The following STAMBP variants were observed in gnomAD, a reference collection of about 807,000 sequenced individuals.
The protein encoded by STAMBP is STAM-binding protein.
In STAMBP, 31 loss-of-function variants were observed where a neutral mutation model predicts 50.7. That is an observed-to-expected ratio of 0.61 (90% CI 0.46 to 0.83). STAMBP has a LOEUF of 0.83. Ranked by LOEUF, STAMBP falls within the 40% of genes least tolerant of loss-of-function variation. STAMBP has a pLI of 0.00. For synonymous variants in STAMBP, 211 were observed against 192.4 expected, an observed-to-expected ratio of 1.10 and a Z score of -0.80; for missense variants, 472 against 518.9, an observed-to-expected ratio of 0.91 and a Z score of 0.88.
intron 7 of STAMBP, among the ~76,000 whole-genome samples, chr2:73,852,917 G>GGTGTGT (rs56684009): frequency 0.028 from 3,413 of 122,774 alleles, 180 homozygotes; most frequent in African/African-American, 0.077. Flanking sequence ...ATGTTGGCCA[G>GGTGTGT]GTGTGTGTGT....
chr2:73,854,648 CT>C (rs1210983195), intron 7 of STAMBP, among the ~76,000 whole-genome samples: 5 of 152,068 alleles, frequency 3.3e-5, no homozygotes, highest in Admixed American at 3.3e-4. Context: ...GCTAGTTCAG[CT>C]TTTTTTCCTC....
chr2:73,845,571 T>A (rs900814555), intron 4 of STAMBP, among the ~76,000 whole-genome samples: 1 of 152,122 alleles, frequency 6.6e-6, no homozygotes, highest in South Asian at 2.1e-4. Context: ...TCAGAGAATT[T>A]GAGGGTTGGA....
intron 2 of STAMBP, among the ~76,000 whole-genome samples, chr2:73,835,986 C>CT (rs983998506): frequency 4.4e-4 from 64 of 145,844 alleles, no homozygotes; most frequent in East Asian, 9.9e-4. Flanking sequence ...TTTTCTTTTT[C>CT]TTTTTTTTTT....
chr2:73,866,094 C>T lies in STAMBP; in HGVS notation c.*3835C>T, dbSNP rs1678860749. The T allele has an allele frequency of 6.6e-6, 1 of 152,240 alleles. No homozygotes were observed. Among genetic ancestry groups the T allele is most frequent in the South Asian group, 2.1e-4 (1 of 4,836 alleles). The allele number at this position is 152,240 out of a possible 1,614,324, so 9.4% of individuals were successfully genotyped here. A position where few individuals can be genotyped will look rare whatever the true frequency, so the allele number is the denominator to read the frequency against. On this transcript the variant is annotated 3_prime_UTR_variant, in exon 10 of 10. Coordinates refer to ENST00000394070, the MANE Select transcript of STAMBP (RefSeq NM_213622.4). ...ATGAAGGAAGGGCAGAACATTGGCC[C>T]TCTTCACTGAAGTCTTCACCCCTTA...
chr2:73,836,571 G>A (rs898221777), intron 2 of STAMBP, among the ~76,000 whole-genome samples: 2 of 152,246 alleles, frequency 1.3e-5, no homozygotes, highest in South Asian at 2.1e-4. Flanking sequence ...CTGAGCAGGG[G>A]AAAGGGCTGG....
chr2:73,830,140 G>A (rs868557902), intron 1 of STAMBP, among the ~76,000 whole-genome samples: 1 of 152,200 alleles, frequency 6.6e-6, no homozygotes, highest in African/African-American at 2.4e-5. Flanking sequence ...AGTTACCATC[G>A]TGCCTTTTTG....
At chr2:73,832,091 A>G (rs925712451) in intron 2 of STAMBP, among the ~76,000 whole-genome samples, 1 of 129,868 alleles carries the variant, frequency 7.7e-6, no homozygotes, top group Non-Finnish European at 1.6e-5. Context: ...TAACATATAT[A>G]TATATATATA....
At position 73,847,460 on chromosome 2, in the gene STAMBP, C is replaced by T; in HGVS notation, c.449C>T (p.Ala150Val). 3 of 1,614,164 alleles carry T rather than the reference C, an allele frequency of 1.9e-6. No homozygotes were observed. Among genetic ancestry groups the T allele is most frequent in the Non-Finnish European group, 2.5e-6 (3 of 1,180,036 alleles). ...QELEKEKQRV[A>V]QQKQQQLEQE... ...CTGGAAAAGGAAAAACAGAGGGTAGCACAACAGAAGCAGCAGCAATTGGAA... is the reference window on the plus strand; with the variant it reads ...CTGGAAAAGGAAAAACAGAGGGTAGTACAACAGAAGCAGCAGCAATTGGAA... Residue 150 changes from alanine to valine, a missense_variant, in exon 5 of 10, where the codon GCA (alanine) becomes GTA (valine). Physicochemically the swap from Ala to Val is moderately conservative, Grantham distance 64 (BLOSUM62 0). Coordinates refer to ENST00000394070, the MANE Select transcript of STAMBP (RefSeq NM_213622.4).
intron 7 of STAMBP, among the ~76,000 whole-genome samples, chr2:73,853,825 T>C (rs1177488037): frequency 6.6e-6 from 1 of 152,230 alleles, no homozygotes; most frequent in Non-Finnish European, 1.5e-5. Context: ...GGAGCATGCA[T>C]GCCCTAAGGG....
chr2:73,840,251 C>G (rs957418667), intron 2 of STAMBP, among the ~76,000 whole-genome samples: 4 of 149,484 alleles, frequency 2.7e-5, no homozygotes, highest in Admixed American at 2.7e-4. Context: ...ATTACATTGT[C>G]TTCACATTTG....
chr2:73,846,764 A>G (rs1022632911), intron 4 of STAMBP, among the ~76,000 whole-genome samples: 8 of 152,302 alleles, frequency 5.3e-5, no homozygotes, highest in Middle Eastern at 3.4e-3. Flanking sequence ...GATACAGGTT[A>G]GGAGAACACA....
At chr2:73,842,103 A>G (rs1036417638) in intron 2 of STAMBP, among the ~76,000 whole-genome samples, 4 of 151,402 alleles carry the variant, frequency 2.6e-5, no homozygotes, top group African/African-American at 9.7e-5. Context: ...ATTTCTGTGT[A>G]TACTTCCTGT....
chr2:73,852,952 G>GTA (rs1677050308), intron 7 of STAMBP, among the ~76,000 whole-genome samples: 1 of 149,710 alleles, frequency 6.7e-6, no homozygotes, highest in Non-Finnish European at 1.5e-5. Flanking sequence ...GTGTGTGTGT[G>GTA]TGTATTTTTA....
intron 2 of STAMBP, among the ~76,000 whole-genome samples, chr2:73,832,084 C>CATATATATATATATATATATAT (rs67469518): frequency 4.3e-4 from 51 of 118,468 alleles, no homozygotes; most frequent in African/African-American, 8.2e-4. Flanking sequence ...GAGTAGGTAA[C>CATATATATATATATATATATAT]ATATATATAT....
chr2:73,844,025 T>G (rs1216737403), intron 2 of STAMBP, among the ~76,000 whole-genome samples: 1 of 152,220 alleles, frequency 6.6e-6, no homozygotes, highest in Non-Finnish European at 1.5e-5. Flanking sequence ...CTGCTCATAC[T>G]GAAATTCTGA....
intron 2 of STAMBP, among the ~76,000 whole-genome samples, chr2:73,834,974 T>C (rs921653534): frequency 6.6e-6 from 1 of 152,108 alleles, no homozygotes; most frequent in Non-Finnish European, 1.5e-5. Flanking sequence ...TGCAGGACTT[T>C]ATGGGCCATG....
In STAMBP at chr2:73,850,626, C is replaced by A; in HGVS notation, c.1005+113C>A. ...TATATCCAGATTATTTATTGTTTTT[C>A]TCTCTTTTGGATGCAGTCCTTAGCA... On this transcript the variant is annotated intron_variant, in intron 7 of 9. Transcript: ENST00000394070. The surrounding 1 kb of genome is among the most constrained non-coding windows in gnomAD (Gnocchi z 4.3). 7.9e-7 allele frequency: 1 copy of A among 1,262,656 alleles called. No individual in the cohort carries two copies. Among genetic ancestry groups the A allele is most frequent in the Non-Finnish European group, 1.1e-6 (1 of 941,908 alleles). The allele number at this position is 1,262,656 out of a possible 1,614,324, so 78.2% of individuals were successfully genotyped here. A position where few individuals can be genotyped will look rare whatever the true frequency, so the allele number is the denominator to read the frequency against.
chr2:73,862,250 C>T lies in STAMBP; in HGVS notation c.1266C>T (p.Asp422=). Residue 422 remains aspartate, a synonymous_variant, in exon 10 of 10, where the codon GAC becomes GAT. Transcript: ENST00000394070. ...TVVDRAVTIT[D]LR ...TGGACAGAGCAGTGACCATCACAGA[C>T]CTTCGATGAGCGTTTGAGTCCAACA... 1 of 1,612,150 alleles carries T rather than the reference C, an allele frequency of 6.2e-7. No individual in the cohort carries two copies. The highest frequency in any genetic ancestry group is 8.5e-7 in the Non-Finnish European group (1 of 1,179,300).
At chr2:73,861,623 A>G (rs978718046) in intron 9 of STAMBP, among the ~76,000 whole-genome samples, 2 of 151,798 alleles carry the variant, frequency 1.3e-5, no homozygotes, top group African/African-American at 4.8e-5. Flanking sequence ...GGTTCAAACA[A>G]TTCTGCTGCC....
Sources: allele counts gnomAD v4.1 joint callset (sites outside exome capture counted in the v4.1 genomes callset), GRCh38; gene constraint gnomAD v4.1.1; non-coding constraint Gnocchi (gnomAD v3.1); transcripts MANE v1.5; gene names NCBI Gene and HGNC (gene_info 2026-07-23, HGNC 2026-07-21).